The following ZC2HC1C variants were observed in gnomAD, a reference collection of about 807,000 sequenced individuals.
ZC2HC1C encodes the protein zinc finger C2HC-type containing 1C, also known as zinc finger C2HC domain-containing protein 1C.
ZC2HC1C carries 25 observed loss-of-function variants against 39.2 expected under a neutral mutation model. The ratio of observed to expected loss-of-function variants is 0.64; its 90% CI spans 0.47 to 0.89. ZC2HC1C has a LOEUF of 0.89. Among genes scored for constraint, ZC2HC1C ranks in the 40% least tolerant of loss-of-function variants. The pLI, the probability that ZC2HC1C is intolerant of heterozygous loss-of-function variation, is 0.00. For synonymous variants in ZC2HC1C, 209 were observed against 214.4 expected (o/e 0.97, Z 0.22); for missense variants, 519 against 548.6 (o/e 0.95, Z 0.54).
chr14:75,073,493 G>C (rs1893518701), intron 2 of ZC2HC1C: 1 of 973,758 alleles, frequency 1.0e-6, no homozygotes, highest in Non-Finnish European at 1.4e-6. Context: ...GTGTGACATT[G>C]AGGACACCAA....
chr14:75,069,920 G>C (rs1893273280), intron 1 of ZC2HC1C, 171 bp downstream of exon 1: 1 of 152,860 alleles, frequency 6.5e-6, no homozygotes. Flanking sequence ...AACCGGCCGC[G>C]GTCAGGTCAG....
chr14:75,071,074 C>T lies in ZC2HC1C; in HGVS notation c.501C>T (p.Pro167=). The change falls in exon 2 of 3, where the codon CCC becomes CCT. Residue 167 remains proline (P), a synonymous_variant. Transcript: ENST00000524913. ...TDGDHNVYPR[P]PEPREFSSRN... ...GGGACCATAATGTCTACCCAAGGCC[C>T]CCTGAGCCGAGAGAGTTTTCATCTA... is the stretch of plus-strand genomic sequence containing the variant. The T allele has an allele frequency of 6.2e-7, 1 of 1,614,134 alleles. No individual in the cohort carries two copies. Among genetic ancestry groups the T allele is most frequent in the Non-Finnish European group, 8.5e-7 (1 of 1,180,042 alleles).
Position 75,071,122 on chromosome 14 carries a change from G to A in ZC2HC1C, c.549G>A (p.Gln183=). 1 of 1,614,206 alleles carries A rather than the reference G, an allele frequency of 6.2e-7. No homozygotes were observed. Residue 183 remains glutamine, a synonymous_variant, in exon 2 of 3, where the codon CAG becomes CAA. Transcript: ENST00000524913. Reference sequence around the variant, plus strand: ...CTAGGAACTTTGGTGTGAGGAACCAGGGCAACTTTTCTGTGGTTGGTACTG... The same window carrying A: ...CTAGGAACTTTGGTGTGAGGAACCAAGGCAACTTTTCTGTGGTTGGTACTG... ...FSSRNFGVRN[Q]GNFSVVGTVL...
chr14:75,072,701 T>C (rs1893484596), intron 2 of ZC2HC1C, among the ~76,000 whole-genome samples: 1 of 152,204 alleles, frequency 6.6e-6, no homozygotes, highest in Non-Finnish European at 1.5e-5. Flanking sequence ...CATGTCAAGG[T>C]TGTGCCACTT....
chr14:75,077,245 C>T (rs1187992993), intron 2 of ZC2HC1C, among the ~76,000 whole-genome samples: 1 of 152,048 alleles, frequency 6.6e-6, no homozygotes, highest in Non-Finnish European at 1.5e-5. Flanking sequence ...GCCGTGGGGT[C>T]CTACTTGTTT....
intron 2 of ZC2HC1C, chr14:75,073,595 G>C: frequency 7.8e-7 from 1 of 1,289,320 alleles, no homozygotes; most frequent in Non-Finnish European, 1.0e-6. Context: ...AAGCTGAGTG[G>C]TTGTACCTTC....
At position 75,070,737 on chromosome 14, in the gene ZC2HC1C, A is replaced by T. The variant is rs1273313780; in HGVS notation, c.164A>T (p.Lys55Met). 1.2e-6 allele frequency: 2 copies of T among 1,614,238 alleles called. No individual in the cohort carries two copies. Among genetic ancestry groups the T allele is most frequent in the East Asian group, 4.5e-5 (2 of 44,890 alleles). ...GGGCACCTGAGGAACAATTTCCAGAAGCAGCTTTTGAGCAACAAAGAGTTG... is the reference window on the plus strand; with the variant it reads ...GGGCACCTGAGGAACAATTTCCAGATGCAGCTTTTGAGCAACAAAGAGTTG... ...LKGHLRNNFQ[K>M]QLLSNKELIL... The change falls in exon 2 of 3, where the codon AAG becomes ATG. Residue 55 changes from lysine to methionine, a missense_variant. Transcript: ENST00000524913.
In ZC2HC1C at chr14:75,070,730, T is replaced by G. The variant is rs755150388; in HGVS notation, c.157T>G (p.Phe53Val). The change falls in exon 2 of 3, where the codon TTC (phenylalanine) becomes GTC (valine). Residue 53 changes from phenylalanine to valine, a missense_variant. Transcript: ENST00000524913. ...QSLKGHLRNN[F>V]QKQLLSNKEL... ...CTTGAAGGGGCACCTGAGGAACAAT[T>G]TCCAGAAGCAGCTTTTGAGCAACAA... 6.2e-7 allele frequency: 1 copy of G among 1,614,192 alleles called. No homozygotes were observed. Among genetic ancestry groups the G allele is most frequent in the South Asian group, 1.1e-5 (1 of 91,080 alleles).
At chr14:75,074,763 G>T (rs1893590241) in intron 2 of ZC2HC1C, among the ~76,000 whole-genome samples, 1 of 152,082 alleles carries the variant, frequency 6.6e-6, no homozygotes, top group Non-Finnish European at 1.5e-5. Context: ...GTTAAGACAG[G>T]GTTTCACCAA....
rs878975400 is a variant in ZC2HC1C, at chr14:75,071,586, T to C, written c.1013T>C (p.Ile338Thr). The C allele has an allele frequency of 1.2e-6, 2 of 1,614,126 alleles. No individual in the cohort carries two copies. The highest frequency in any genetic ancestry group is 2.2e-5 in the South Asian group (2 of 91,082). ...RERLVASNNK[I>T]RDPVSEPSVE... ...AGGCTGGTAGCAAGCAATAATAAAA[T>C]TCGAGACCCAGTCTCAGAGCCATCG... The change falls in exon 2 of 3, where the codon ATT (isoleucine) becomes ACT (threonine). Residue 338 changes from isoleucine to threonine, a missense_variant. Transcript: ENST00000524913.
At chr14:75,069,967 T>C (rs561253175) in intron 1 of ZC2HC1C, 1 of 153,638 alleles carries the variant, frequency 6.5e-6, no homozygotes, top group African/African-American at 2.4e-5. Context: ...ACTTTTACAG[T>C]CTGCGCCACG....
Position 75,071,693 on chromosome 14 carries a change from C to T in ZC2HC1C, c.1120C>T (p.Pro374Ser), listed in dbSNP as rs1893428198. 1.2e-6 allele frequency: 2 copies of T among 1,614,030 alleles called. No homozygotes were observed. Among genetic ancestry groups the T allele is most frequent in the Non-Finnish European group, 8.5e-7 (1 of 1,180,026 alleles). The change falls in exon 2 of 3, where the codon CCA becomes TCA. Residue 374 changes from proline (P) to serine (S), a missense_variant. Pro to Ser is a moderately conservative substitution (Grantham distance 74). Coordinates refer to ENST00000524913, the MANE Select transcript of ZC2HC1C (RefSeq NM_024643.4). ...SARNSSLSMA[P>S]DSSGSSGSIE... Reference sequence around the variant, plus strand: ...CAGAAATTCCAGCCTGTCCATGGCACCAGACTCCTCAGGTTCCAGCGGCTC... The same window carrying T: ...CAGAAATTCCAGCCTGTCCATGGCATCAGACTCCTCAGGTTCCAGCGGCTC...
Position 75,070,779 on chromosome 14 carries a change from A to C in ZC2HC1C, c.206A>C (p.Tyr69Ser). ...SNKELILDKVYTHPKWNTQTK... is the reference protein window; with the variant it reads ...SNKELILDKVSTHPKWNTQTK... The stretch of plus-strand genomic sequence containing the variant: ...AAAGAGTTGATTCTGGATAAAGTCT[A>C]TACTCACCCCAAATGGAACACCCAA... Residue 69 changes from tyrosine (Y) to serine (S), a missense_variant, in exon 2 of 3, where the codon TAT (tyrosine) becomes TCT (serine). Tyr to Ser is a moderately radical substitution (Grantham distance 144). Transcript: ENST00000524913. The C allele has an allele frequency of 6.2e-7, 1 of 1,614,192 alleles. No homozygotes were observed. The highest frequency in any genetic ancestry group is 8.5e-7 in the Non-Finnish European group (1 of 1,180,026).
chr14:75,070,427 C>T, intron 1 of ZC2HC1C, 128 bp from the exon 2 acceptor site: 4 of 1,122,590 alleles, frequency 3.6e-6, no homozygotes, highest in Non-Finnish European at 5.0e-6. Context: ...TTGGCAGGTC[C>T]AGCAACACTG....
chr14:75,073,274 A>G (rs1236437376), intron 2 of ZC2HC1C, among the ~76,000 whole-genome samples: 2 of 152,208 alleles, frequency 1.3e-5, no homozygotes, highest in Non-Finnish European at 2.9e-5. Flanking sequence ...TAATATGATC[A>G]CCACTTACTG....
chr14:75,079,980 G>T lies in ZC2HC1C; in HGVS notation c.*2416G>T, dbSNP rs1270884788. 3 of 152,176 alleles carry T rather than the reference G, an allele frequency of 2.0e-5. No homozygotes were observed. The highest frequency in any genetic ancestry group is 6.5e-5 in the Admixed American group (1 of 15,278). The allele number at this position is 152,176 out of a possible 1,614,324, so 9.4% of individuals were successfully genotyped here. On this transcript the variant is annotated 3_prime_UTR_variant, in exon 3 of 3. Transcript: ENST00000524913. The stretch of plus-strand genomic sequence containing the variant: ...ATTTTGCTAAAGAAATAAAACAATA[G>T]TCAATGCCTTAAGTGTTCCCTTTAA...
rs1566627202 is a variant in ZC2HC1C at position 75,071,340 on chromosome 14, A to G, written c.767A>G (p.Lys256Arg). 1 of 1,614,114 alleles carries G rather than the reference A, an allele frequency of 6.2e-7. No individual in the cohort carries two copies. The highest frequency in any genetic ancestry group is 1.1e-5 in the South Asian group (1 of 91,082). The part of the protein sequence containing the change: ...RRIQTQKEQA[K>R]ENENGELQKI... ...ATCCAGACGCAAAAGGAACAGGCCA[A>G]GGAAAATGAAAACGGAGAGCTACAG... The change falls in exon 2 of 3, where the codon AAG becomes AGG. Residue 256 changes from lysine to arginine, a missense_variant. Lys to Arg is a conservative substitution (Grantham distance 26). Coordinates refer to ENST00000524913, the MANE Select transcript of ZC2HC1C (RefSeq NM_024643.4).
rs749730353 is a variant in ZC2HC1C at position 75,071,496 on chromosome 14, G to C, written c.923G>C (p.Arg308Pro). 1.2e-6 allele frequency: 2 copies of C among 1,614,052 alleles called. No individual in the cohort carries two copies. The highest frequency in any genetic ancestry group is 2.2e-5 in the South Asian group (2 of 91,062). ...RDRREDETWGRSQQNSGPFQF... is the reference protein window; with the variant it reads ...RDRREDETWGPSQQNSGPFQF... ...AGGAGAGAGGATGAAACTTGGGGAC[G>C]GTCTCAACAAAATTCAGGTCCATTC... Residue 308 changes from arginine (R) to proline (P), a missense_variant, in exon 2 of 3, where the codon CGG (arginine) becomes CCG (proline). Transcript: ENST00000524913.
chr14:75,069,737 C>T lies in ZC2HC1C; in HGVS notation c.-32C>T, dbSNP rs1158236181. 2 of 156,204 alleles carry T rather than the reference C, an allele frequency of 1.3e-5. No individual in the cohort carries two copies. Among genetic ancestry groups the T allele is most frequent in the Non-Finnish European group, 2.8e-5 (2 of 70,870 alleles). 9.7% of individuals were successfully genotyped at this position (156,204 alleles called of 1,614,324 possible). On this transcript the variant is annotated 5_prime_UTR_variant, in exon 1 of 3. Coordinates refer to ENST00000524913, the MANE Select transcript of ZC2HC1C (RefSeq NM_024643.4). ...GGTTTTCCCTGAGCAGGAGCGGTGC[C>T]CGAGGGCCTCAGGTACGCAGAAGGG...
Sources: gnomAD v4.1 joint callset for allele counts (sites outside exome capture counted in the v4.1 genomes callset) on GRCh38, gnomAD v4.1.1 for gene constraint, MANE v1.5 for transcripts, NCBI Gene and HGNC (gene_info 2026-07-23, HGNC 2026-07-21) for gene names.